The following ACTR3C variants were observed in gnomAD, a reference collection of about 807,000 sequenced individuals.
ACTR3C encodes actin related protein 3C, also known as actin-related protein 3C.
A neutral mutation model predicts 26.3 loss-of-function variants in ACTR3C; 18 were observed. The ratio of observed to expected loss-of-function variants is 0.68; its 90% CI spans 0.47 to 1.01. ACTR3C has a LOEUF of 1.01. Ranked by LOEUF, ACTR3C falls within the 50% of genes least tolerant of loss-of-function variation. The pLI, the probability that ACTR3C is intolerant of heterozygous loss-of-function variation, is 0.00. For synonymous variants in ACTR3C, 55 were observed against 94.5 expected (o/e 0.58, Z 2.42); for missense variants, 184 against 250.7 (o/e 0.73, Z 1.80).
At chr7:150,254,779 A>C (rs1471865490) in intron 6 of ACTR3C, among the ~76,000 whole-genome samples, 1 of 152,204 alleles carries the variant, frequency 6.6e-6, no homozygotes, top group Non-Finnish European at 1.5e-5. Flanking sequence ...GCTGTCTTCC[A>C]TGGCAGTGCT....
downstream of ACTR3C, among the ~76,000 whole-genome samples, chr7:150,239,946 GT>G (rs1413486604): frequency 6.6e-6 from 1 of 152,028 alleles, no homozygotes; most frequent in Admixed American, 6.6e-5. Flanking sequence ...TTAGAGATGG[GT>G]TTTTGCCATG....
chr7:150,309,880 G>A (rs535942141), intron 1 of ACTR3C, among the ~76,000 whole-genome samples: 4 of 152,190 alleles, frequency 2.6e-5, no homozygotes, highest in South Asian at 2.1e-4. Context: ...GCCGAGCTTC[G>A]GGTAACTTTT....
the ACTR3C span, among the ~76,000 whole-genome samples, chr7:150,205,361 T>C: frequency 2.6e-5 from 4 of 152,224 alleles, no homozygotes; most frequent in Non-Finnish European, 5.9e-5. Context: ...AGAAAATAGA[T>C]GCCTATACAA....
At chr7:150,180,094 A>G in the ACTR3C span, among the ~76,000 whole-genome samples, 1 of 151,090 alleles carries the variant, frequency 6.6e-6, no homozygotes, top group Non-Finnish European at 1.5e-5. Flanking sequence ...TCACGAGGTT[A>G]GGAGATCAAG....
the ACTR3C span, among the ~76,000 whole-genome samples, chr7:150,028,186 G>A: frequency 6.6e-6 from 1 of 152,268 alleles, no homozygotes; most frequent in Non-Finnish European, 1.5e-5. Context: ...TTTGGTTTTA[G>A]GGGACTCTCT....
the ACTR3C span, among the ~76,000 whole-genome samples, chr7:150,128,053 CA>C: frequency 0.041 from 4,633 of 113,782 alleles, 133 homozygotes; most frequent in African/African-American, 0.07. Context: ...AAATTCATTC[CA>C]AAAAAAAAAA....
chr7:150,115,928 C>T, the ACTR3C span, among the ~76,000 whole-genome samples: 1 of 152,196 alleles, frequency 6.6e-6, no homozygotes, highest in Non-Finnish European at 1.5e-5. Flanking sequence ...GACACTGGAA[C>T]AAATGGCAGA....
the ACTR3C span, among the ~76,000 whole-genome samples, chr7:150,049,002 CG>C: frequency 6.6e-6 from 1 of 152,162 alleles, no homozygotes; most frequent in East Asian, 2.0e-4. Context: ...GGCGGAGGCT[CG>C]GCTCTCCGGC....
the ACTR3C span, among the ~76,000 whole-genome samples, chr7:150,158,322 A>G: frequency 8.1e-4 from 124 of 152,212 alleles, 1 homozygote; most frequent in East Asian, 0.019. Flanking sequence ...GAACTGCCAT[A>G]TGATCTAGCA....
chr7:150,193,184 G>A, the ACTR3C span, among the ~76,000 whole-genome samples: 1 of 151,866 alleles, frequency 6.6e-6, no homozygotes, highest in Non-Finnish European at 1.5e-5. Flanking sequence ...CAACATAATT[G>A]GTACAAACAT....
the ACTR3C span, among the ~76,000 whole-genome samples, chr7:149,921,704 C>T: frequency 6.6e-6 from 1 of 151,836 alleles, no homozygotes; most frequent in African/African-American, 2.4e-5. Flanking sequence ...TGGTGAAACC[C>T]CATCTCTACT....
chr7:150,048,914 C>T, the ACTR3C span, among the ~76,000 whole-genome samples: 2 of 152,132 alleles, frequency 1.3e-5, no homozygotes, highest in African/African-American at 4.8e-5. Flanking sequence ...CCCAGAGGCC[C>T]AGGCGCCCCT....
chr7:150,078,912 C>T, the ACTR3C span, among the ~76,000 whole-genome samples: 6 of 152,140 alleles, frequency 3.9e-5, no homozygotes, highest in South Asian at 2.1e-4. Context: ...CACATATCCA[C>T]GTGCCAAGCT....
the ACTR3C span, among the ~76,000 whole-genome samples, chr7:150,009,586 T>C: frequency 3.9e-5 from 6 of 152,300 alleles, no homozygotes; most frequent in African/African-American, 1.2e-4. Flanking sequence ...ACTTGACCAC[T>C]GGGCTCTAAA....
At chr7:149,989,827 C>A in the ACTR3C span, among the ~76,000 whole-genome samples, 1 of 152,118 alleles carries the variant, frequency 6.6e-6, no homozygotes, top group African/African-American at 2.4e-5. Flanking sequence ...TCCAGTAATT[C>A]TATTTTGGAT....
At chr7:150,235,250 C>T in the ACTR3C span, among the ~76,000 whole-genome samples, 3 of 152,116 alleles carry the variant, frequency 2.0e-5, no homozygotes, top group Non-Finnish European at 4.4e-5. Context: ...ATCCATTTTT[C>T]GTCCTGGATA....
At chr7:149,932,769 C>A in the ACTR3C span, among the ~76,000 whole-genome samples, 1 of 150,588 alleles carries the variant, frequency 6.6e-6, no homozygotes, top group Non-Finnish European at 1.5e-5. Flanking sequence ...CAGGGCAGGG[C>A]AGGGAAGACT....
chr7:150,161,494 T>C, the ACTR3C span, among the ~76,000 whole-genome samples: 1 of 151,990 alleles, frequency 6.6e-6, no homozygotes, highest in Admixed American at 6.6e-5. Flanking sequence ...GGTAGTTTGC[T>C]GAGAATGATG....
At chr7:150,206,853 T>C in the ACTR3C span, among the ~76,000 whole-genome samples, 380 of 152,324 alleles carry the variant, frequency 2.5e-3, 6 homozygotes, top group Admixed American at 0.022. Flanking sequence ...AAAGCCTACA[T>C]AGGATGGAAG....
Sources: gnomAD v4.1 joint callset for allele counts (sites outside exome capture counted in the v4.1 genomes callset) on GRCh38, gnomAD v4.1.1 for gene constraint, MANE v1.5 for transcripts, NCBI Gene and HGNC (gene_info 2026-07-23, HGNC 2026-07-21) for gene names.